IGFBP7: variants seen among roughly 807,000 people sequenced by gnomAD.
The protein encoded by IGFBP7 is insulin-like growth factor-binding protein 7.
In IGFBP7, 31 loss-of-function variants were observed where a neutral mutation model predicts 29.4. The ratio of observed to expected loss-of-function variants is 1.05; its 90% CI spans 0.79 to 1.42. The LOEUF (loss-of-function observed/expected upper bound fraction) is 1.42, where lower values mean the gene tolerates loss of function less well. IGFBP7 is among the 40% of genes most tolerant of loss of function. The pLI, the probability that IGFBP7 is intolerant of heterozygous loss-of-function variation, is 0.00. For synonymous variants in IGFBP7, 172 were observed against 174.9 expected (o/e 0.98, Z 0.13); for missense variants, 393 against 395.5 (o/e 0.99, Z 0.05).
chr4:57,032,492 C>T lies in IGFBP7; in HGVS notation c.763G>A (p.Gly255Arg). 1 of 1,614,036 alleles carries T rather than the reference C, an allele frequency of 6.2e-7. No individual in the cohort carries two copies. The highest frequency in any genetic ancestry group is 8.5e-7 in the Non-Finnish European group (1 of 1,179,948). The stretch of plus-strand genomic sequence containing the variant: ...ATTTTTGCTGATGCTGAAGCCTGTC[C>T]TTGGGAATTGGATGCATGGCACTCA... ...EYECHASNSQGQASASAKITV... is the reference protein window; with the variant it reads ...EYECHASNSQRQASASAKITV... The change falls in exon 4 of 5, where the codon GGA becomes AGA. Residue 255 changes from glycine to arginine, a missense_variant. By Grantham distance (125) the Gly-to-Arg change is moderately radical. Transcript: ENST00000295666.
intron 1 of IGFBP7, chr4:57,072,674 C>T (rs559739850): frequency 4.8e-5 from 18 of 372,758 alleles, no homozygotes; most frequent in East Asian, 7.4e-5. Flanking sequence ...GGGTGCTGCC[C>T]GGTACCTTGT....
intron 1 of IGFBP7, among the ~76,000 whole-genome samples, chr4:57,071,924 A>C (rs1718871): frequency 0.64 from 96,816 of 151,948 alleles, 32,020 homozygotes; most frequent in Middle Eastern, 0.73. Context: ...TTGCTTGAGG[A>C]CAGAAGTTCG....
intron 1 of IGFBP7, among the ~76,000 whole-genome samples, chr4:57,074,039 A>ATC (rs10569950): frequency 0.059 from 6,307 of 107,452 alleles, 174 homozygotes; most frequent in South Asian, 0.15. Context: ...TGGAAAATGC[A>ATC]TCTCTCTCTC....
In IGFBP7 at chr4:57,084,788, G is replaced by GTTTTTTTTTTTTTTTTTTTTTTTT. The variant is rs57704332; in HGVS notation, c.475+25088_475+25089insAAAAAAAAAAAAAAAAAAAAAAAA. Among the ~76,000 whole-genome samples, 6 of 113,104 alleles carry GTTTTTTTTTTTTTTTTTTTTTTTT rather than the reference G, an allele frequency of 5.3e-5. 2 individuals are homozygous for GTTTTTTTTTTTTTTTTTTTTTTTT. Among genetic ancestry groups the GTTTTTTTTTTTTTTTTTTTTTTTT allele is most frequent in the Non-Finnish European group, 6.9e-5 (4 of 58,094 alleles). 74.2% of individuals were successfully genotyped at this position (113,104 alleles called of 152,430 possible). ...CTTTTTACTCAGATGTTTAAAAAAGGTTTTTTTTTTTTTTTTTTTTGGGAC... is the reference window on the plus strand; with the variant it reads ...CTTTTTACTCAGATGTTTAAAAAAGGTTTTTTTTTTTTTTTTTTTTTTTTTTTTTTTTTTTTTTTTTTTTGGGAC... On this transcript the variant is annotated intron_variant, in intron 1 of 4. Coordinates refer to ENST00000295666, the MANE Select transcript of IGFBP7 (RefSeq NM_001553.3).
chr4:57,036,804 CTTTA>C (rs1724093805), intron 2 of IGFBP7, among the ~76,000 whole-genome samples: 1 of 152,192 alleles, frequency 6.6e-6, no homozygotes, highest in African/African-American at 2.4e-5. Flanking sequence ...GACATGCTGT[CTTTA>C]TTTGAGCCTC....
chr4:57,050,016 T>G (rs761277786), intron 1 of IGFBP7, among the ~76,000 whole-genome samples: 1 of 152,166 alleles, frequency 6.6e-6, no homozygotes, highest in Non-Finnish European at 1.5e-5. Context: ...TCACTTGACT[T>G]TCTCTTGCCA....
chr4:57,081,301 G>A (rs1293759736), intron 1 of IGFBP7, among the ~76,000 whole-genome samples: 1 of 152,040 alleles, frequency 6.6e-6, no homozygotes, highest in East Asian at 1.9e-4. Flanking sequence ...AAGTCTGAAA[G>A]CCTGTTAGGG....
chr4:57,032,308 G>C lies in IGFBP7; in HGVS notation c.829+118C>G. On this transcript the variant is annotated intron_variant, in intron 4 of 4. Coordinates refer to ENST00000295666, the MANE Select transcript of IGFBP7 (RefSeq NM_001553.3). ...TTAATGGCATACTTAATGCCCTTAT[G>C]GGTTGCTAACTACAGAATTTCATCA... 10 of 1,486,542 alleles carry C rather than the reference G, an allele frequency of 6.7e-6. No homozygotes were observed. The South Asian group carries it at 1.4e-4, about 21-fold the overall frequency. The allele number at this position is 1,486,542 out of a possible 1,614,324, so 92.1% of individuals were successfully genotyped here.
intron 1 of IGFBP7, among the ~76,000 whole-genome samples, chr4:57,072,268 G>C (rs1362724195): frequency 6.6e-6 from 1 of 152,056 alleles, no homozygotes; most frequent in Non-Finnish European, 1.5e-5. Context: ...CTGTTTCTAC[G>C]TTAGTTTGCT....
rs1723893964 is a variant in IGFBP7, at chr4:57,030,825, G to T, written c.*492C>A. On this transcript the variant is annotated 3_prime_UTR_variant, in exon 5 of 5. Transcript: ENST00000295666. ...TCATTATCTACAGTACCAGATCTTT[G>T]TCTTTTTCTGGGGTAGAGAAGTGGG... 1 of 827,922 alleles carries T rather than the reference G, an allele frequency of 1.2e-6. No homozygotes were observed. Among genetic ancestry groups the T allele is most frequent in the Admixed American group, 1.8e-5 (1 of 55,346 alleles). 51.3% of individuals were successfully genotyped at this position (827,922 alleles called of 1,614,324 possible). A position where few individuals can be genotyped will look rare whatever the true frequency, so the allele number is the denominator to read the frequency against.
intron 1 of IGFBP7, among the ~76,000 whole-genome samples, chr4:57,104,437 C>G (rs1413843475): frequency 6.6e-6 from 1 of 152,148 alleles, no homozygotes; most frequent in Non-Finnish European, 1.5e-5. Context: ...ATTACACTGA[C>G]TTGCACTCCC....
In IGFBP7 at chr4:57,031,281, A is replaced by G. The variant is rs1723915494; in HGVS notation, c.*36T>C. ...ACAGGTAATGTAGTTATCCATGACT[A>G]CTTTTAACCATGCAGACTAATAATA... On this transcript the variant is annotated 3_prime_UTR_variant, in exon 5 of 5. Coordinates refer to ENST00000295666, the MANE Select transcript of IGFBP7 (RefSeq NM_001553.3). The G allele has an allele frequency of 2.6e-6, 4 of 1,562,820 alleles. No individual in the cohort carries two copies. The highest frequency in any genetic ancestry group is 1.7e-4 in the Middle Eastern group (1 of 5,936).
rs574073944 is a variant in IGFBP7, at chr4:57,049,737, G to A, written c.476-8804C>T. ...TAATTGAGGATGCCAGCATCCTGTC[G>A]GAATCAGAACAGAACCAGGAACTAC... On this transcript the variant is annotated intron_variant, in intron 1 of 4. Coordinates refer to ENST00000295666, the MANE Select transcript of IGFBP7 (RefSeq NM_001553.3). 6.7e-4 allele frequency among the ~76,000 whole-genome samples: 102 copies of A among 152,156 alleles called. 1 individual carries two copies. The highest frequency in any genetic ancestry group is 6.8e-3 in the Middle Eastern group (2 of 294).
chr4:57,109,777 A>T (rs1726127290), intron 1 of IGFBP7, 100 bp downstream of exon 1: 1 of 1,347,120 alleles, frequency 7.4e-7, no homozygotes, highest in African/African-American at 1.5e-5. Context: ...GGGGAATCGC[A>T]GTGAGCAGCG....
intron 1 of IGFBP7, among the ~76,000 whole-genome samples, chr4:57,103,661 T>TTTTTC: frequency 5.3e-4 from 1 of 1,872 alleles, no homozygotes; most frequent in East Asian, 0.042. Context: ...TTTTCTTTTC[T>TTTTTC]TTTTTTTTTT....
chr4:57,034,572 TATAA>T (rs1386623782), intron 2 of IGFBP7, among the ~76,000 whole-genome samples: 3 of 151,828 alleles, frequency 2.0e-5, no homozygotes, highest in Non-Finnish European at 4.4e-5. Context: ...ATAATAAATA[TATAA>T]ATAAATATAT....
chr4:57,074,302 C>A (rs1466453468), intron 1 of IGFBP7, among the ~76,000 whole-genome samples: 1 of 152,214 alleles, frequency 6.6e-6, no homozygotes, highest in Non-Finnish European at 1.5e-5. Flanking sequence ...CTCAAGTGAT[C>A]TGCTTGCCTC....
intron 1 of IGFBP7, chr4:57,073,147 C>G: frequency 6.3e-7 from 1 of 1,590,824 alleles, no homozygotes. Flanking sequence ...GGCTGCCCAG[C>G]CTGTCCTTGT....
rs1724541771 is a variant in IGFBP7, at chr4:57,052,883, ACTGT to A, written c.476-11954_476-11951del. Among the ~76,000 whole-genome samples, 8 of 152,330 alleles carry A rather than the reference ACTGT, an allele frequency of 5.3e-5. No individual in the cohort carries two copies. In the South Asian group the frequency reaches 6.2e-4, roughly 12 times the overall value. ...AGTACTCAAATATCTCACTACGATG[ACTGT>A]CAATCTTGTGATATCTCACAATTAT... On this transcript the variant is annotated intron_variant, in intron 1 of 4. Transcript: ENST00000295666.
Sources: gnomAD v4.1 joint callset for allele counts (sites outside exome capture counted in the v4.1 genomes callset) on GRCh38, gnomAD v4.1.1 for gene constraint, MANE v1.5 for transcripts, NCBI Gene and HGNC (gene_info 2026-07-23, HGNC 2026-07-21) for gene names.